The following SUSD4 variants were observed in gnomAD, a reference collection of about 807,000 sequenced individuals.
SUSD4 encodes the protein sushi domain containing 4, also known as sushi domain-containing protein 4.
SUSD4 carries 41 observed loss-of-function variants against 50.5 expected under a neutral mutation model. That is an observed-to-expected ratio of 0.81 (90% confidence interval 0.63 to 1.05). The LOEUF (loss-of-function observed/expected upper bound fraction) is 1.05, where lower values mean the gene tolerates loss of function less well. Ranked by LOEUF, SUSD4 falls within the 50% of genes least tolerant of loss-of-function variation. SUSD4 has a pLI of 0.00. For missense variants in SUSD4, 580 were observed against 634.7 expected (o/e 0.91, Z 0.93); for synonymous variants, 257 against 257.3 (o/e 1.00, Z 0.01).
intron 5 of SUSD4, among the ~76,000 whole-genome samples, chr1:223,252,591 T>A (rs2103045971): frequency 6.6e-6 from 1 of 152,308 alleles, no homozygotes; most frequent in African/African-American, 2.4e-5. Flanking sequence ...TTCTTCCCAA[T>A]TCAAAATAAT....
In SUSD4 at chr1:223,259,327, G is replaced by A. The variant is rs1030787380; in HGVS notation, c.724+5303C>T. Among the ~76,000 whole-genome samples, 16 of 152,120 alleles carry A rather than the reference G, an allele frequency of 1.1e-4. 1 individual carries two copies. The highest frequency in any genetic ancestry group is 1.0e-3 in the Admixed American group (16 of 15,282). ...TCTTTTTATCTAGAGTGTTGTTGAA[G>A]GGAGGACTTCTGGATAAAGGATCCA... On this transcript the variant is annotated intron_variant, in intron 5 of 8. Coordinates refer to ENST00000366878, the MANE Select transcript of SUSD4 (RefSeq NM_017982.4).
At chr1:223,249,668 T>G (rs1223500619) in intron 5 of SUSD4, among the ~76,000 whole-genome samples, 1 of 152,236 alleles carries the variant, frequency 6.6e-6, no homozygotes, top group African/African-American at 2.4e-5. Flanking sequence ...ATAATAAGTT[T>G]ATATTATCCA....
In SUSD4 at chr1:223,222,096, A is replaced by G. The variant is rs1023631434; in HGVS notation, c.*96T>C. 7 of 1,313,076 alleles carry G rather than the reference A, an allele frequency of 5.3e-6. No homozygotes were observed. The African/African-American group carries it at 8.9e-5, about 17-fold the overall frequency. 81.3% of individuals were successfully genotyped at this position (1,313,076 alleles called of 1,614,324 possible). A position where few individuals can be genotyped will look rare whatever the true frequency, so the allele number is the denominator to read the frequency against. ...TGGTCCCCATGTAGACAAGTTAGAC[A>G]TTTTGCCCCCAGGCTCTATCCTTCT... On this transcript the variant is annotated 3_prime_UTR_variant, in exon 9 of 9. Transcript: ENST00000366878.
intron 3 of SUSD4, among the ~76,000 whole-genome samples, chr1:223,281,951 C>T (rs377535956): frequency 3.9e-4 from 59 of 152,222 alleles, no homozygotes; most frequent in East Asian, 3.3e-3. Flanking sequence ...AATCAATAAA[C>T]GTAATCCAGC....
chr1:223,309,308 G>A (rs1265205281), intron 2 of SUSD4, among the ~76,000 whole-genome samples: 1 of 152,154 alleles, frequency 6.6e-6, no homozygotes, highest in African/African-American at 2.4e-5. Flanking sequence ...CAGATAAAAG[G>A]AGTGCACTTA....
At chr1:223,233,558 A>G (rs1660026525) in intron 5 of SUSD4, among the ~76,000 whole-genome samples, 3 of 152,118 alleles carry the variant, frequency 2.0e-5, no homozygotes, top group Admixed American at 2.0e-4. Flanking sequence ...AGACAGACAG[A>G]CGGATGGACA....
At chr1:223,241,541 C>T (rs963112558) in intron 5 of SUSD4, among the ~76,000 whole-genome samples, 1 of 152,198 alleles carries the variant, frequency 6.6e-6, no homozygotes, top group African/African-American at 2.4e-5. Context: ...TGCCCTGTGA[C>T]CTTACTTCTC....
At chr1:223,277,537 G>GCC (rs1184082403) in intron 3 of SUSD4, among the ~76,000 whole-genome samples, 2 of 151,916 alleles carry the variant, frequency 1.3e-5, no homozygotes, top group African/African-American at 4.8e-5. Flanking sequence ...GTGTGCCCAG[G>GCC]CATAGGTTGA....
At chr1:223,277,697 A>G (rs1157989474) in intron 3 of SUSD4, among the ~76,000 whole-genome samples, 1 of 152,222 alleles carries the variant, frequency 6.6e-6, no homozygotes, top group Admixed American at 6.5e-5. Flanking sequence ...AGAGCACTGG[A>G]CAAGGAGTCA....
chr1:223,244,159 A>T (rs1472736087), intron 5 of SUSD4, among the ~76,000 whole-genome samples: 1 of 152,178 alleles, frequency 6.6e-6, no homozygotes, highest in Non-Finnish European at 1.5e-5. Context: ...CACATCTCCC[A>T]CCGGGGTTTG....
intron 5 of SUSD4, among the ~76,000 whole-genome samples, chr1:223,248,608 C>T (rs1269381799): frequency 6.6e-6 from 1 of 152,094 alleles, no homozygotes; most frequent in Non-Finnish European, 1.5e-5. Flanking sequence ...CACAGAAGGC[C>T]AACACATGTG....
intron 2 of SUSD4, 32 bp from the exon 3 acceptor site, chr1:223,292,683 T>C: frequency 6.2e-7 from 1 of 1,608,964 alleles, no homozygotes; most frequent in Non-Finnish European, 8.5e-7. Flanking sequence ...AAGGTGCCTA[T>C]GAATATGTTC....
chr1:223,263,422 A>G (rs1662260302), intron 5 of SUSD4, among the ~76,000 whole-genome samples: 1 of 152,258 alleles, frequency 6.6e-6, no homozygotes, highest in Non-Finnish European at 1.5e-5. Context: ...TGCTCATATT[A>G]AAACATTATT....
chr1:223,229,501 A>C lies in SUSD4; in HGVS notation c.725-113T>G. 1 of 1,014,718 alleles carries C rather than the reference A, an allele frequency of 9.9e-7. No homozygotes were observed. The highest frequency in any genetic ancestry group is 2.3e-5 in the South Asian group (1 of 42,904). The allele number at this position is 1,014,718 out of a possible 1,614,324, so 62.9% of individuals were successfully genotyped here. On this transcript the variant is annotated intron_variant, in intron 5 of 8. Transcript: ENST00000366878. The surrounding 1 kb of genome is among the most constrained non-coding windows in gnomAD (Gnocchi z 4.7). ...TCAGTTAAAAATGTGCTTATGGATT[A>C]ATCACCAGGCTACTGAGTTGCATTA...
chr1:223,292,738 G>T, intron 2 of SUSD4, 87 bp from the exon 3 acceptor site: 1 of 1,386,036 alleles, frequency 7.2e-7, no homozygotes, highest in Non-Finnish European at 9.9e-7. Context: ...GACCCTGCAT[G>T]ATGTCATACG....
intron 5 of SUSD4, among the ~76,000 whole-genome samples, chr1:223,239,735 G>A (rs1253792588): frequency 6.6e-6 from 1 of 151,194 alleles, no homozygotes; most frequent in Non-Finnish European, 1.5e-5. Flanking sequence ...GTGTGTGTGT[G>A]TAATATACCT....
chr1:223,307,313 G>C (rs1348582197), intron 2 of SUSD4, among the ~76,000 whole-genome samples: 1 of 152,188 alleles, frequency 6.6e-6, no homozygotes, highest in Non-Finnish European at 1.5e-5. Context: ...CAGCTTTAGT[G>C]CAATACTAAA....
At chr1:223,265,711 A>G (rs1029748503) in intron 4 of SUSD4, among the ~76,000 whole-genome samples, 7 of 152,238 alleles carry the variant, frequency 4.6e-5, no homozygotes, top group Non-Finnish European at 1.0e-4. Flanking sequence ...TGCAGCCAGT[A>G]GAACACTCCT....
chr1:223,256,049 T>C (rs1212392266), intron 5 of SUSD4, among the ~76,000 whole-genome samples: 1 of 152,168 alleles, frequency 6.6e-6, no homozygotes, highest in East Asian at 1.9e-4. Flanking sequence ...GCGCCTTGCC[T>C]GGGAAGGAGG....
Sources: gnomAD v4.1 joint callset for allele counts (sites outside exome capture counted in the v4.1 genomes callset) on GRCh38, gnomAD v4.1.1 for gene constraint, Gnocchi (gnomAD v3.1) non-coding constraint, MANE v1.5 for transcripts, NCBI Gene and HGNC (gene_info 2026-07-23, HGNC 2026-07-21) for gene names.